Variants in KATNAL2 observed in about 807,000 individuals in gnomAD.
KATNAL2 encodes katanin p60 ATPase-containing subunit A-like 2.
Under a neutral mutation model 76.3 loss-of-function variants are expected in KATNAL2, and 52 were observed. The observed-to-expected ratio is 0.68, with a 90% CI of 0.55 to 0.86. The LOEUF (loss-of-function observed/expected upper bound fraction) is 0.86. Ranked by LOEUF, KATNAL2 falls within the 40% of genes least tolerant of loss-of-function variation. KATNAL2 has a pLI of 0.00. For missense variants in KATNAL2, 660 were observed against 668.9 expected (o/e 0.99, Z 0.15); for synonymous variants, 243 against 244.2 (o/e 1.00, Z 0.05).
chr18:46,937,070 A>G (rs1486920182), intron 1 of KATNAL2, among the ~76,000 whole-genome samples: 1 of 152,168 alleles, frequency 6.6e-6, no homozygotes, highest in Non-Finnish European at 1.5e-5. Flanking sequence ...TCACCTCTCT[A>G]TCAGGAAGGC....
intron 1 of KATNAL2, among the ~76,000 whole-genome samples, chr18:46,934,161 C>T (rs2059020257): frequency 6.7e-6 from 1 of 148,588 alleles, no homozygotes; most frequent in African/African-American, 2.4e-5. Flanking sequence ...GGGTATATAC[C>T]CAGTAATGGG....
At chr18:47,095,540 G>GC (rs1389473581) in intron 15 of KATNAL2, among the ~76,000 whole-genome samples, 1 of 152,186 alleles carries the variant, frequency 6.6e-6, no homozygotes, top group East Asian at 1.9e-4. Context: ...GTGGAACTGT[G>GC]AGTCAATTAA....
chr18:47,048,073 G>T (rs1378803952), intron 4 of KATNAL2, among the ~76,000 whole-genome samples: 2 of 152,018 alleles, frequency 1.3e-5, no homozygotes, highest in Admixed American at 6.6e-5. Context: ...GGTCTTTTTG[G>T]CTGTCACACT....
intron 3 of KATNAL2, among the ~76,000 whole-genome samples, chr18:46,956,097 CAT>C (rs1264525857): frequency 2.0e-5 from 3 of 152,112 alleles, no homozygotes; most frequent in African/African-American, 7.2e-5. Flanking sequence ...ATTTGTCACA[CAT>C]GTTTATATAT....
intron 13 of KATNAL2, among the ~76,000 whole-genome samples, chr18:47,072,737 C>T (rs2062050527): frequency 1.3e-5 from 2 of 152,218 alleles, no homozygotes; most frequent in Non-Finnish European, 2.9e-5. Flanking sequence ...CCATGCCTAG[C>T]ATCTCCCTGC....
At chr18:46,958,979 T>G (rs1291150849) in intron 3 of KATNAL2, among the ~76,000 whole-genome samples, 1 of 152,240 alleles carries the variant, frequency 6.6e-6, no homozygotes. Flanking sequence ...AAATATCGAC[T>G]GTGTTAGCTA....
intron 13 of KATNAL2, among the ~76,000 whole-genome samples, chr18:47,071,432 C>A (rs2061994886): frequency 6.6e-6 from 1 of 152,112 alleles, no homozygotes; most frequent in African/African-American, 2.4e-5. Flanking sequence ...GTTCTGGAAC[C>A]AATCTCTTCC....
chr18:47,099,520 A>C (rs2063383779), intron 16 of KATNAL2, 115 bp downstream of exon 16: 1 of 1,000,848 alleles, frequency 1.0e-6, no homozygotes, highest in Non-Finnish European at 1.4e-6. Context: ...ATAAGATCCA[A>C]GCTGCCCCCG....
At position 46,931,103 on chromosome 18, in the gene KATNAL2, AAATAATAAT is replaced by A. The variant is rs36168863; in HGVS notation, c.-510+13207_-510+13215del. 2.0e-3 allele frequency among the ~76,000 whole-genome samples: 208 copies of A among 105,546 alleles called. 1 individual carries two copies. Among genetic ancestry groups the A allele is most frequent in the East Asian group, 1.7e-3 (7 of 4,028 alleles). 69.2% of individuals were successfully genotyped at this position (105,546 alleles called of 152,430 possible). A position where few individuals can be genotyped will look rare whatever the true frequency, so the allele number is the denominator to read the frequency against. On this transcript the variant is annotated intron_variant, in intron 1 of 17. Transcript: ENST00000683218. Reference sequence around the variant, plus strand: ...CAATAGAGTGAGACTCCGTCTCAGGAAATAATAATAATAATAATAATAATAATAATAATA... The same window carrying A: ...CAATAGAGTGAGACTCCGTCTCAGGAAATAATAATAATAATAATAATAATA...
chr18:46,954,772 T>G (rs1470152893), intron 3 of KATNAL2, among the ~76,000 whole-genome samples: 2 of 152,028 alleles, frequency 1.3e-5, no homozygotes. Flanking sequence ...GCCTCCAGAG[T>G]AGCTGGGACT....
At chr18:47,040,649 A>G (rs546630910) in intron 3 of KATNAL2, among the ~76,000 whole-genome samples, 1 of 152,346 alleles carries the variant, frequency 6.6e-6, no homozygotes, top group East Asian at 1.9e-4. Flanking sequence ...CTTAAAAAGT[A>G]TAGGCTGGGT....
In KATNAL2 at chr18:47,034,071, C is replaced by T. The variant is rs1220317774; in HGVS notation, c.52-12386C>T. 1.9e-5 allele frequency: 31 copies of T among 1,614,078 alleles called. No homozygotes were observed. In the Middle Eastern group the frequency reaches 1.3e-3, roughly 68 times the overall value. ...GTGCAGTGGTGGCAGATTTTCCAGT[C>T]TTTTTCTTTTGCTTCCGCAACTGAT... On this transcript the variant is annotated intron_variant, in intron 3 of 17. Coordinates refer to ENST00000683218, the MANE Select transcript of KATNAL2 (RefSeq NM_001387690.1).
chr18:47,046,628 G>A (rs1236487330), intron 4 of KATNAL2, 101 bp downstream of exon 4: 1 of 851,994 alleles, frequency 1.2e-6, no homozygotes, highest in East Asian at 2.7e-5. Context: ...CTTGTTTAGA[G>A]CAATTCTATA....
In KATNAL2 at chr18:47,102,118, A is replaced by AT. The variant is rs1212724148; in HGVS notation, c.*1120dup. On this transcript the variant is annotated 3_prime_UTR_variant, in exon 18 of 18. Coordinates refer to ENST00000683218, the MANE Select transcript of KATNAL2 (RefSeq NM_001387690.1). The stretch of plus-strand genomic sequence containing the variant: ...TTACCCTTTTAAACAAAACCAAAGC[A>AT]TTTTTTTCGGTATCGATTATTTTGA... The AT allele has an allele frequency of 1.3e-5, 2 of 152,090 alleles. No individual in the cohort carries two copies. Among genetic ancestry groups the AT allele is most frequent in the African/African-American group, 2.4e-5 (1 of 41,416 alleles). 9.4% of individuals were successfully genotyped at this position (152,090 alleles called of 1,614,324 possible).
chr18:47,036,154 C>G (rs1229589193), intron 3 of KATNAL2, among the ~76,000 whole-genome samples: 1 of 152,040 alleles, frequency 6.6e-6, no homozygotes, highest in African/African-American at 2.4e-5. Context: ...ATTTTTAATA[C>G]GAGGAAATAA....
chr18:47,069,244 C>A lies in KATNAL2; in HGVS notation c.850C>A (p.Leu284Ile), dbSNP rs761828861. 1.2e-6 allele frequency: 2 copies of A among 1,611,092 alleles called. No homozygotes were observed. Among genetic ancestry groups the A allele is most frequent in the Non-Finnish European group, 1.7e-6 (2 of 1,178,808 alleles). ...GTATCCACAGCTATTTACAGGAATTCTTTCTCCCTGGAAAGGACTACTGCT... is the reference window on the plus strand; with the variant it reads ...GTATCCACAGCTATTTACAGGAATTATTTCTCCCTGGAAAGGACTACTGCT... The part of the protein sequence containing the change: ...IRYPQLFTGI[L>I]SPWKGLLLYG... Residue 284 changes from leucine to isoleucine, a missense_variant, in exon 12 of 18, where the codon CTT becomes ATT. By Grantham distance (5) the Leu-to-Ile change is conservative. Transcript: ENST00000683218.
At chr18:46,927,361 T>C (rs1198082512) in intron 1 of KATNAL2, among the ~76,000 whole-genome samples, 1 of 152,176 alleles carries the variant, frequency 6.6e-6, no homozygotes. Context: ...TTTGGCTGGA[T>C]ATGAGATTCT....
chr18:47,084,389 G>A (rs1020687264), intron 15 of KATNAL2: 9 of 702,690 alleles, frequency 1.3e-5, no homozygotes, highest in African/African-American at 1.0e-4. Context: ...TGCAATCAAG[G>A]TCTTGATTGT....
rs769980752 is a variant in KATNAL2 at position 47,034,833 on chromosome 18, C to T, written c.52-11624C>T. 1.9e-5 allele frequency: 30 copies of T among 1,611,988 alleles called. No individual in the cohort carries two copies. In the African/African-American group the frequency reaches 2.8e-4, roughly 15 times the overall value. Reference sequence around the variant, plus strand: ...CTCTGGGCTCGCGACTGTGAGACCTCGGGTGAGGTCTCTGTTGCCCCGGAG... The same window carrying T: ...CTCTGGGCTCGCGACTGTGAGACCTTGGGTGAGGTCTCTGTTGCCCCGGAG... On this transcript the variant is annotated intron_variant, in intron 3 of 17. Coordinates refer to ENST00000683218, the MANE Select transcript of KATNAL2 (RefSeq NM_001387690.1).
Sources: gnomAD v4.1 joint callset for allele counts (sites outside exome capture counted in the v4.1 genomes callset) on GRCh38, gnomAD v4.1.1 for gene constraint, MANE v1.5 for transcripts, NCBI Gene and HGNC (gene_info 2026-07-23, HGNC 2026-07-21) for gene names.